Variants in CSMD3 observed in about 807,000 individuals in gnomAD.
CSMD3 encodes the protein CUB and sushi domain-containing protein 3.
CSMD3 carries 177 observed loss-of-function variants against 435.2 expected under a neutral mutation model. The observed-to-expected ratio is 0.41, with a 90% CI of 0.36 to 0.46. The LOEUF is 0.46. Ranked by LOEUF, CSMD3 falls within the 20% of genes least tolerant of loss-of-function variation. CSMD3 has a pLI of 0.34. For synonymous variants in CSMD3, 1,656 were observed against 1,520.5 expected (o/e 1.09, Z -2.07); for missense variants, 4,265 against 4,504.6 (o/e 0.95, Z 1.52).
intron 1 of CSMD3, among the ~76,000 whole-genome samples, chr8:113,364,910 T>TA (rs1237228489): frequency 3.3e-5 from 5 of 152,128 alleles, no homozygotes; most frequent in Non-Finnish European, 1.5e-5. Flanking sequence ...ACAAATATCT[T>TA]AAAGAATTTA....
intron 3 of CSMD3, among the ~76,000 whole-genome samples, chr8:113,208,427 G>C (rs2092795761): frequency 6.6e-6 from 1 of 152,132 alleles, no homozygotes; most frequent in Non-Finnish European, 1.5e-5. Context: ...TGGATGTACA[G>C]AGTAAGTGAG....
chr8:112,983,034 T>A (rs1291125085), intron 6 of CSMD3, among the ~76,000 whole-genome samples: 3 of 151,870 alleles, frequency 2.0e-5, no homozygotes, highest in Non-Finnish European at 4.4e-5. Context: ...CAAATAAGAG[T>A]ATCATTTCCC....
intron 3 of CSMD3, among the ~76,000 whole-genome samples, chr8:113,276,087 C>T (rs1314721360): frequency 6.6e-6 from 1 of 151,992 alleles, no homozygotes; most frequent in Non-Finnish European, 1.5e-5. Flanking sequence ...TATAGAAATG[C>T]TACCAGCTAC....
intron 5 of CSMD3, among the ~76,000 whole-genome samples, chr8:113,084,612 T>A (rs1368305756): frequency 1.8e-5 from 2 of 110,590 alleles, no homozygotes; most frequent in South Asian, 3.3e-4. Context: ...TTCTAAAATT[T>A]GAATGGAACC....
intron 6 of CSMD3, among the ~76,000 whole-genome samples, chr8:112,999,740 G>C (rs1301623223): frequency 6.6e-6 from 1 of 151,570 alleles, no homozygotes; most frequent in Non-Finnish European, 1.5e-5. Flanking sequence ...CGAATGTTTT[G>C]AAAGCAGAGC....
At chr8:113,285,927 A>G (rs972259643) in intron 2 of CSMD3, among the ~76,000 whole-genome samples, 2 of 152,080 alleles carry the variant, frequency 1.3e-5, no homozygotes, top group Non-Finnish European at 2.9e-5. Context: ...TTACATTTCA[A>G]CTGTTATTTG....
chr8:113,219,917 C>A (rs1412577582), intron 3 of CSMD3, among the ~76,000 whole-genome samples: 1 of 151,310 alleles, frequency 6.6e-6, no homozygotes, highest in Non-Finnish European at 1.5e-5. Context: ...TTATGAAGAA[C>A]TTTTGACATT....
At chr8:112,660,333 T>G (rs1465800931) in intron 17 of CSMD3, among the ~76,000 whole-genome samples, 2 of 152,178 alleles carry the variant, frequency 1.3e-5, no homozygotes, top group African/African-American at 4.8e-5. Context: ...TCAAAGTGAT[T>G]ATTTTATGTT....
At chr8:112,589,414 T>C (rs1281295730) in intron 22 of CSMD3, among the ~76,000 whole-genome samples, 1 of 152,190 alleles carries the variant, frequency 6.6e-6, no homozygotes, top group Non-Finnish European at 1.5e-5. Flanking sequence ...AATTACTTGA[T>C]ATGAAATTAA....
chr8:112,705,889 A>T (rs748048130), intron 13 of CSMD3, among the ~76,000 whole-genome samples: 16 of 152,090 alleles, frequency 1.1e-4, no homozygotes, highest in Non-Finnish European at 2.2e-4. Context: ...ACTATTAAAG[A>T]TGAAACATGA....
chr8:113,094,805 C>T (rs1249298774), intron 5 of CSMD3, among the ~76,000 whole-genome samples: 2 of 152,122 alleles, frequency 1.3e-5, no homozygotes, highest in Non-Finnish European at 2.9e-5. Flanking sequence ...GGTGCGGTAG[C>T]TCATGCCTGT....
chr8:112,633,057 T>TAACTAGTA (rs1307299463), intron 22 of CSMD3, among the ~76,000 whole-genome samples: 3 of 152,066 alleles, frequency 2.0e-5, no homozygotes, highest in Non-Finnish European at 4.4e-5. Context: ...TCTTGATTAC[T>TAACTAGTA]AACTAGTAAA....
At chr8:113,376,010 T>G (rs1482314076) in intron 1 of CSMD3, among the ~76,000 whole-genome samples, 1 of 152,190 alleles carries the variant, frequency 6.6e-6, no homozygotes, top group Non-Finnish European at 1.5e-5. Context: ...TCACTCAAGG[T>G]TGATTTAATT....
chr8:112,455,591 G>A (rs1035585907), intron 32 of CSMD3, among the ~76,000 whole-genome samples: 1 of 149,508 alleles, frequency 6.7e-6, no homozygotes, highest in African/African-American at 2.5e-5. Flanking sequence ...AAATAAGTAA[G>A]TAAATAAATA....
chr8:112,700,161 G>T (rs566255974), intron 13 of CSMD3, among the ~76,000 whole-genome samples: 2 of 152,062 alleles, frequency 1.3e-5, no homozygotes, highest in African/African-American at 4.8e-5. Flanking sequence ...AAATCATTCC[G>T]TAGTAGTTTT....
intron 12 of CSMD3, among the ~76,000 whole-genome samples, chr8:112,801,445 C>T (rs1466541967): frequency 6.6e-6 from 1 of 151,970 alleles, no homozygotes; most frequent in Non-Finnish European, 1.5e-5. Flanking sequence ...ACTTGGTAAA[C>T]TACTATTATT....
chr8:112,905,216 C>T (rs1176091707), intron 10 of CSMD3, among the ~76,000 whole-genome samples: 1 of 151,028 alleles, frequency 6.6e-6, no homozygotes, highest in Non-Finnish European at 1.5e-5. Context: ...TATCATAGTT[C>T]TTAACATAGT....
chr8:112,247,277 A>G, intron 63 of CSMD3, 146 bp from the exon 64 acceptor site: 1 of 645,364 alleles, frequency 1.5e-6, no homozygotes, highest in South Asian at 1.8e-5. Context: ...GATTTAAAAT[A>G]AAATGGGAAA....
chr8:112,879,640 C>G (rs1250592882), intron 10 of CSMD3, among the ~76,000 whole-genome samples: 1 of 151,978 alleles, frequency 6.6e-6, no homozygotes, highest in African/African-American at 2.4e-5. Flanking sequence ...TGTGATGCCT[C>G]CCCCAGACAC....
Sources: gnomAD v4.1 joint callset for allele counts (sites outside exome capture counted in the v4.1 genomes callset) on GRCh38, gnomAD v4.1.1 for gene constraint, MANE v1.5 for transcripts, NCBI Gene and HGNC (gene_info 2026-07-23, HGNC 2026-07-21) for gene names.